Variants in TMEM200C observed in about 807,000 individuals in gnomAD.
The protein encoded by TMEM200C is transmembrane protein TTMA.
For synonymous variants in TMEM200C, 462 were observed against 324.7 expected (o/e 1.42, Z -4.55); for missense variants, 966 against 699.9 (o/e 1.38, Z -4.29).
At chr18:5,892,311 A>G (rs1054615485) in intron 2 of TMEM200C, among the ~76,000 whole-genome samples, 154 bp from the exon 2 acceptor site, 2 of 152,188 alleles carry the variant, frequency 1.3e-5, no homozygotes, top group Non-Finnish European at 2.9e-5. Context: ...CAGAGGCTGG[A>G]GCCAGGTAGA....
chr18:5,884,690 A>G (rs2095164106), exon 3 of TMEM200C: 1 of 152,174 alleles, frequency 6.6e-6, no homozygotes, highest in Admixed American at 6.6e-5. Context: ...GGTTGTGTCT[A>G]TACAAAAGGG....
rs1327777134 is a variant in TMEM200C at position 5,891,368 on chromosome 18, C to T, written c.696G>A (p.Ser232=). The change falls in exon 3 of 3, where the codon TCG becomes TCA. Residue 232 remains serine (S), a synonymous_variant. Coordinates refer to ENST00000581347, the Ensembl canonical transcript of TMEM200C. The surrounding 1 kb of genome is among the most constrained non-coding windows in gnomAD (Gnocchi z 4.7). ...GCGCCGCGGCGGGGGCAGACGACGA[C>T]GAAGAGGCGGCGGCGGCCGCGGCGG... The T allele has an allele frequency of 2.2e-6, 3 of 1,349,920 alleles. No homozygotes were observed. The highest frequency in any genetic ancestry group is 3.1e-5 in the East Asian group (1 of 32,480). 83.6% of individuals were successfully genotyped at this position (1,349,920 alleles called of 1,614,324 possible).
At chr18:5,890,598 G>T (rs2095169392) in exon 3 of TMEM200C, 2 of 1,197,132 alleles carry the variant, frequency 1.7e-6, no homozygotes, top group African/African-American at 1.6e-5. Flanking sequence ...ACTCCCCGGG[G>T]AGGGCGGGGG....
exon 3 of TMEM200C, chr18:5,887,099 C>A (rs1320200763): frequency 6.6e-6 from 1 of 152,102 alleles, no homozygotes; most frequent in Admixed American, 6.6e-5. Context: ...TCCATGGTCA[C>A]CCAGCTGGTA....
chr18:5,890,328 C>T (rs2095168815), exon 3 of TMEM200C: 2 of 1,604,646 alleles, frequency 1.2e-6, no homozygotes, highest in Middle Eastern at 1.7e-4. Context: ...TGGCTCCTGG[C>T]TGGCACCCTC....
exon 3 of TMEM200C, chr18:5,882,277 A>G (rs2095162345): frequency 6.6e-6 from 1 of 152,070 alleles, no homozygotes; most frequent in Non-Finnish European, 1.5e-5. Context: ...ACTTCCATTG[A>G]AGATGATTCA....
Position 5,891,991 on chromosome 18 carries a change from G to GTATC in TMEM200C, c.69_72dup (p.Pro25AspfsTer64), listed in dbSNP as rs1567888298. 6.2e-7 allele frequency: 1 copy of GTATC among 1,613,974 alleles called. No individual in the cohort carries two copies. The highest frequency in any genetic ancestry group is 1.1e-5 in the South Asian group (1 of 91,078). On this transcript the variant is annotated frameshift_variant, in exon 3 of 3. Transcript: ENST00000581347. LOFTEE classifies it low-confidence loss of function (END_TRUNC). The surrounding 1 kb of genome is among the most constrained non-coding windows in gnomAD (Gnocchi z 4.7). ...TTCTTGGCTTTCCGCTTGCGCTTGG[G>GTATC]TATCTGGCTTGGGGGGCGGAGTGGA...
At chr18:5,889,554 TC>T (rs2095167993) in exon 3 of TMEM200C, 2 of 152,178 alleles carry the variant, frequency 1.3e-5, no homozygotes, top group South Asian at 4.1e-4. Flanking sequence ...TAGTTCCTGG[TC>T]CCCTCCAGTC....
rs373271214 is a variant in TMEM200C, at chr18:5,891,458, G to A, written c.606C>T (p.Asp202=). 33 of 1,565,718 alleles carry A rather than the reference G, an allele frequency of 2.1e-5. No individual in the cohort carries two copies. The African/African-American group carries it at 2.8e-4, about 14-fold the overall frequency. The change falls in exon 3 of 3, where the codon GAC becomes GAT. Residue 202 remains aspartate, a synonymous_variant. Coordinates refer to ENST00000581347, the Ensembl canonical transcript of TMEM200C. The surrounding 1 kb of genome is among the most constrained non-coding windows in gnomAD (Gnocchi z 4.7). ...GCACGTCGATGACGGTGGAGTAGAG[G>A]TCCCGCAGGTTGATGATTTTGGTCT...
At chr18:5,882,660 T>C (rs921916022) in exon 3 of TMEM200C, 3 of 152,158 alleles carry the variant, frequency 2.0e-5, no homozygotes, top group East Asian at 1.9e-4. Flanking sequence ...CAATTACTTA[T>C]TATTAGTGCT....
chr18:5,890,135 G>C, exon 3 of TMEM200C: 1 of 1,449,534 alleles, frequency 6.9e-7, no homozygotes, highest in Non-Finnish European at 9.2e-7. Context: ...ACCTGTTAAT[G>C]CACTGATTCA....
In TMEM200C at chr18:5,891,914, G is replaced by A; in HGVS notation, c.150C>T (p.Ser50=). The A allele has an allele frequency of 3.7e-6, 6 of 1,613,640 alleles. No homozygotes were observed. The highest frequency in any genetic ancestry group is 5.1e-6 in the Non-Finnish European group (6 of 1,179,876). The stretch of plus-strand genomic sequence containing the variant: ...CACAGAGGGCGATGAGCCCTGAGAT[G>A]GAGCACAGCTTCAGCTTGCCTTTCA... Residue 50 remains serine (S), a synonymous_variant, in exon 3 of 3, where the codon TCC becomes TCT. Coordinates refer to ENST00000581347, the Ensembl canonical transcript of TMEM200C. This position sits in a 1 kb window ranked among gnomAD's most constrained non-coding sequence, Gnocchi z 4.7.
Position 5,891,783 on chromosome 18 carries a change from C to T in TMEM200C, c.281G>A (p.Ser94Asn). The T allele has an allele frequency of 1.2e-6, 2 of 1,607,786 alleles. No homozygotes were observed. The highest frequency in any genetic ancestry group is 1.7e-6 in the Non-Finnish European group (2 of 1,178,754). The change falls in exon 3 of 3, where the codon AGC (serine) becomes AAC (asparagine). Residue 94 changes from serine to asparagine, a missense_variant. By Grantham distance (46) the Ser-to-Asn change is conservative (BLOSUM62 1). Transcript: ENST00000581347. This position sits in a 1 kb window ranked among gnomAD's most constrained non-coding sequence, Gnocchi z 4.7. ...GGCCGTGGTTGGGACCCGGTGGCTGCTGCCCGCAGGCGGCAGCTGCTTACC... is the reference window on the plus strand; with the variant it reads ...GGCCGTGGTTGGGACCCGGTGGCTGTTGCCCGCAGGCGGCAGCTGCTTACC...
At chr18:5,886,601 G>A in exon 3 of TMEM200C, 1 of 152,056 alleles carries the variant, frequency 6.6e-6, no homozygotes, top group East Asian at 1.9e-4. Flanking sequence ...CCTACTAATT[G>A]CTTTTCTGTA....
intron 2 of TMEM200C, among the ~76,000 whole-genome samples, chr18:5,893,349 T>G (rs1332389558): frequency 1.3e-5 from 2 of 152,094 alleles, no homozygotes; most frequent in African/African-American, 4.8e-5. Flanking sequence ...GAAGGGAGGG[T>G]GGCAACAATC....
rs1197536032 is a variant in TMEM200C, at chr18:5,891,246, A to T, written c.818T>A (p.Phe273Tyr). ...CTTGGCCAGCATCGCCGCCGCTCCG[A>T]AGGCGTCCCCGGAGCCACCGCAGCC... Residue 273 changes from phenylalanine to tyrosine, a missense_variant, in exon 3 of 3, where the codon TTC becomes TAC. By Grantham distance (22) the Phe-to-Tyr change is conservative. Coordinates refer to ENST00000581347, the Ensembl canonical transcript of TMEM200C. This position sits in a 1 kb window ranked among gnomAD's most constrained non-coding sequence, Gnocchi z 4.7. 6.7e-5 allele frequency: 92 copies of T among 1,367,188 alleles called. No homozygotes were observed. The highest frequency in any genetic ancestry group is 8.5e-5 in the Non-Finnish European group (89 of 1,052,380). The allele number at this position is 1,367,188 out of a possible 1,614,324, so 84.7% of individuals were successfully genotyped here. A position where few individuals can be genotyped will look rare whatever the true frequency, so the allele number is the denominator to read the frequency against.
rs1567887791 is a variant in TMEM200C at position 5,891,447 on chromosome 18, G to A, written c.617C>T (p.Thr206Ile). ...GCGGAGGCTGTGCACGTCGATGACG[G>A]TGGAGTAGAGGTCCCGCAGGTTGAT... Residue 206 changes from threonine to isoleucine, a missense_variant, in exon 3 of 3, where the codon ACC becomes ATC. By Grantham distance (89) the Thr-to-Ile change is moderately conservative (BLOSUM62 -1). Transcript: ENST00000581347. The surrounding 1 kb of genome is among the most constrained non-coding windows in gnomAD (Gnocchi z 4.7). 1 of 1,557,474 alleles carries A rather than the reference G, an allele frequency of 6.4e-7. No individual in the cohort carries two copies. The highest frequency in any genetic ancestry group is 1.9e-5 in the Admixed American group (1 of 51,494).
chr18:5,890,407 C>G, exon 3 of TMEM200C: 1 of 1,572,500 alleles, frequency 6.4e-7, no homozygotes, highest in East Asian at 2.3e-5. Context: ...CCAGCTACTG[C>G]GTCCAAGACC....
rs751613573 is a variant in TMEM200C at position 5,891,816 on chromosome 18, C to T, written c.248G>A (p.Arg83Gln). ...AGGCGGCAGCTGCTTACCCCCCTCC[C>T]GATTGGTCCCGGTGGCCTTGGGCCA... Residue 83 changes from arginine (R) to glutamine (Q), a missense_variant, in exon 3 of 3, where the codon CGG (arginine) becomes CAG (glutamine). Physicochemically the swap from Arg to Gln is conservative, Grantham distance 43. Coordinates refer to ENST00000581347, the Ensembl canonical transcript of TMEM200C. This position sits in a 1 kb window ranked among gnomAD's most constrained non-coding sequence, Gnocchi z 4.7. 2.5e-6 allele frequency: 4 copies of T among 1,605,294 alleles called. No individual in the cohort carries two copies. The highest frequency in any genetic ancestry group is 1.1e-5 in the South Asian group (1 of 91,036).
Sources: gnomAD v4.1 joint callset for allele counts (sites outside exome capture counted in the v4.1 genomes callset) on GRCh38, gnomAD v4.1.1 for gene constraint, Gnocchi (gnomAD v3.1) non-coding constraint, MANE v1.5 for transcripts, NCBI Gene and HGNC (gene_info 2026-07-23, HGNC 2026-07-21) for gene names.